The following GDF11 variants were observed in gnomAD, a reference collection of about 807,000 sequenced individuals.
The protein encoded by GDF11 is growth/differentiation factor 11.
In GDF11, 12 loss-of-function variants were observed where a neutral mutation model predicts 34.4. The observed-to-expected ratio is 0.35, with a 90% CI of 0.22 to 0.57. GDF11 has a LOEUF of 0.57. Among genes scored for constraint, GDF11 ranks in the 20% least tolerant of loss-of-function variants. The probability of loss-of-function intolerance (pLI) is 0.86; values close to 1 mark genes in which losing one functional copy is unlikely to be tolerated. For synonymous variants in GDF11, 212 were observed against 231.1 expected, an observed-to-expected ratio of 0.92 and a Z score of 0.75; for missense variants, 346 against 548.2, an observed-to-expected ratio of 0.63 and a Z score of 3.68.
At chr12:55,747,314 G>T (rs950759286) in intron 1 of GDF11, among the ~76,000 whole-genome samples, 1 of 149,634 alleles carries the variant, frequency 6.7e-6, no homozygotes, top group Admixed American at 6.7e-5. Context: ...GAGACTTTGG[G>T]TATCATATCC....
chr12:55,743,838 C>A (rs1474352183), intron 1 of GDF11, 77 bp downstream of exon 1: 1 of 1,198,766 alleles, frequency 8.3e-7, no homozygotes, highest in Non-Finnish European at 1.1e-6. Flanking sequence ...CCAAGCGGGG[C>A]GCTCCCTGCT....
Position 55,751,090 on chromosome 12 carries a change from G to C in GDF11, c.*1208G>C, listed in dbSNP as rs542206024. The C allele has an allele frequency of 6.6e-6, 1 of 152,478 alleles. No homozygotes were observed. The highest frequency in any genetic ancestry group is 2.4e-5 in the African/African-American group (1 of 41,586). The allele number at this position is 152,478 out of a possible 1,614,324, so 9.4% of individuals were successfully genotyped here. On this transcript the variant is annotated 3_prime_UTR_variant, in exon 3 of 3. Coordinates refer to ENST00000257868, the MANE Select transcript of GDF11 (RefSeq NM_005811.5). Reference sequence around the variant, plus strand: ...AATCACTGCTCTGGGCTAGGGAATAGAGCCAGCAGACCAAGGTGGGAAGGA... The same window carrying C: ...AATCACTGCTCTGGGCTAGGGAATACAGCCAGCAGACCAAGGTGGGAAGGA...
At position 55,749,460 on chromosome 12, in the gene GDF11, C is replaced by A; in HGVS notation, c.844-42C>A. 1.3e-6 allele frequency: 2 copies of A among 1,569,242 alleles called. No homozygotes were observed. The highest frequency in any genetic ancestry group is 1.7e-6 in the Non-Finnish European group (2 of 1,155,022). ...AAAGGAACAGGGAAGAGGAACTGTTCAGGACCATATCACATTTCTTTCCCC... is the reference window on the plus strand; with the variant it reads ...AAAGGAACAGGGAAGAGGAACTGTTAAGGACCATATCACATTTCTTTCCCC... On this transcript the variant is annotated intron_variant, in intron 2 of 2. Coordinates refer to ENST00000257868, the MANE Select transcript of GDF11 (RefSeq NM_005811.5). The surrounding 1 kb of genome is among the most constrained non-coding windows in gnomAD (Gnocchi z 5.6).
In GDF11 at chr12:55,743,713, G is replaced by T; in HGVS notation, c.397G>T (p.Asp133Tyr). Residue 133 changes from aspartate to tyrosine, a missense_variant, in exon 1 of 3, where the codon GAC becomes TAC. By Grantham distance (160) the Asp-to-Tyr change is radical (BLOSUM62 -3). Around this residue, in one of 3 missense-constraint regions of GDF11, gnomAD observed 141 missense variants for 213.8 expected, o/e 0.66. Transcript: ENST00000257868. Reference sequence around the variant, plus strand: ...GCAGCCCGAGGACTTCCTGGAGGAGGACGAGTACCACGCCACCACCGAGAC... The same window carrying T: ...GCAGCCCGAGGACTTCCTGGAGGAGTACGAGTACCACGCCACCACCGAGAC... ...ALQPEDFLEEDEYHATTETVI... is the reference protein window; with the variant it reads ...ALQPEDFLEEYEYHATTETVI... The T allele has an allele frequency of 6.3e-7, 1 of 1,589,826 alleles. No homozygotes were observed. The highest frequency in any genetic ancestry group is 1.1e-5 in the South Asian group (1 of 90,144).
rs1296869671 is a variant in GDF11 at position 55,756,675 on chromosome 12, TG to T, written c.*6794del. 1 of 152,244 alleles carries T rather than the reference TG, an allele frequency of 6.6e-6. No individual in the cohort carries two copies. The highest frequency in any genetic ancestry group is 2.4e-5 in the African/African-American group (1 of 41,472). The allele number at this position is 152,244 out of a possible 1,614,324, so 9.4% of individuals were successfully genotyped here. ...AGCAGGTTTCAGATCTACATGAACT[TG>T]AAGCCTCCAGTTCCACTGCTTATGT... On this transcript the variant is annotated 3_prime_UTR_variant, in exon 3 of 3. Coordinates refer to ENST00000257868, the MANE Select transcript of GDF11 (RefSeq NM_005811.5).
chr12:55,743,735 A>C lies in GDF11; in HGVS notation c.419A>C (p.Glu140Ala), dbSNP rs750059741. The C allele has an allele frequency of 6.3e-7, 1 of 1,590,844 alleles. No homozygotes were observed. Residue 140 changes from glutamate to alanine, a missense_variant, in exon 1 of 3, where the codon GAG (glutamate) becomes GCG (alanine). Around this residue, in one of 3 missense-constraint regions of GDF11, gnomAD observed 141 missense variants for 213.8 expected, o/e 0.66. Coordinates refer to ENST00000257868, the MANE Select transcript of GDF11 (RefSeq NM_005811.5). ...LEEDEYHATTETVISMAQETD... is the reference protein window; with the variant it reads ...LEEDEYHATTATVISMAQETD... Reference sequence around the variant, plus strand: ...GAGGACGAGTACCACGCCACCACCGAGACCGTCATTAGCATGGCCCAGGAG... The same window carrying C: ...GAGGACGAGTACCACGCCACCACCGCGACCGTCATTAGCATGGCCCAGGAG...
chr12:55,743,856 C>T, intron 1 of GDF11, 95 bp downstream of exon 1: 1 of 1,021,424 alleles, frequency 9.8e-7, no homozygotes, highest in South Asian at 1.8e-5. Context: ...GCTGCCCCGG[C>T]CCGGAAGCTT....
Position 55,748,644 on chromosome 12 carries a change from C to T in GDF11, c.504C>T (p.Pro168=). 1 of 1,614,206 alleles carries T rather than the reference C, an allele frequency of 6.2e-7. No homozygotes were observed. Residue 168 remains proline (P), a synonymous_variant, in exon 2 of 3, where the codon CCC becomes CCT. Transcript: ENST00000257868. The surrounding 1 kb of genome is among the most constrained non-coding windows in gnomAD (Gnocchi z 5.6). ...TCTGCTGCCATTTTCACTTCAGCCC[C>T]AAGGTGATGTTCACAAAGGTACTGA... ...SPLCCHFHFS[P]KVMFTKVLKA... is the part of the protein sequence containing the mutation.
At position 55,755,869 on chromosome 12, in the gene GDF11, T is replaced by G. The variant is rs1161765789; in HGVS notation, c.*5987T>G. ...AAGTAAGATGAGTGAGGAGAATAAT[T>G]AGGCTTCAAGAAGAGAATCCTGGCA... On this transcript the variant is annotated 3_prime_UTR_variant, in exon 3 of 3. Coordinates refer to ENST00000257868, the MANE Select transcript of GDF11 (RefSeq NM_005811.5). 1 of 152,020 alleles carries G rather than the reference T, an allele frequency of 6.6e-6. No individual in the cohort carries two copies. Among genetic ancestry groups the G allele is most frequent in the Non-Finnish European group, 1.5e-5 (1 of 68,008 alleles). The allele number at this position is 152,020 out of a possible 1,614,324, so 9.4% of individuals were successfully genotyped here. A position where few individuals can be genotyped will look rare whatever the true frequency, so the allele number is the denominator to read the frequency against.
chr12:55,745,660 T>TAAG (rs1188721557), intron 1 of GDF11, among the ~76,000 whole-genome samples: 1 of 151,934 alleles, frequency 6.6e-6, no homozygotes, highest in African/African-American at 2.4e-5. Context: ...CCCGCTTTAA[T>TAAG]AAGAGACTTG....
chr12:55,750,987 C>T lies in GDF11; in HGVS notation c.*1105C>T, dbSNP rs1878301155. The T allele has an allele frequency of 6.6e-6, 1 of 152,074 alleles. No individual in the cohort carries two copies. The highest frequency in any genetic ancestry group is 2.1e-4 in the South Asian group (1 of 4,820). The allele number at this position is 152,074 out of a possible 1,614,324, so 9.4% of individuals were successfully genotyped here. On this transcript the variant is annotated 3_prime_UTR_variant, in exon 3 of 3. Coordinates refer to ENST00000257868, the MANE Select transcript of GDF11 (RefSeq NM_005811.5). ...GAGAGAGTATAGAGACCCCAGAGTCCCCTGGGTCTGGAAAGCGTTAGGAGA... is the reference window on the plus strand; with the variant it reads ...GAGAGAGTATAGAGACCCCAGAGTCTCCTGGGTCTGGAAAGCGTTAGGAGA...
At position 55,743,738 on chromosome 12, in the gene GDF11, C is replaced by A; in HGVS notation, c.422C>A (p.Thr141Asn). Residue 141 changes from threonine to asparagine, a missense_variant, in exon 1 of 3, where the codon ACC (threonine) becomes AAC (asparagine). By Grantham distance (65) the Thr-to-Asn change is moderately conservative. Around this residue, in one of 3 missense-constraint regions of GDF11, gnomAD observed 141 missense variants for 213.8 expected, o/e 0.66. Coordinates refer to ENST00000257868, the MANE Select transcript of GDF11 (RefSeq NM_005811.5). ...GACGAGTACCACGCCACCACCGAGA[C>A]CGTCATTAGCATGGCCCAGGAGAGT... ...EEDEYHATTE[T>N]VISMAQETDP... 6.3e-7 allele frequency: 1 copy of A among 1,589,714 alleles called. No homozygotes were observed. The highest frequency in any genetic ancestry group is 8.5e-7 in the Non-Finnish European group (1 of 1,174,736).
rs1223806008 is a variant in GDF11 at position 55,756,358 on chromosome 12, T to C, written c.*6476T>C. The C allele has an allele frequency of 1.3e-5, 2 of 152,206 alleles. No homozygotes were observed. Among genetic ancestry groups the C allele is most frequent in the Non-Finnish European group, 2.9e-5 (2 of 68,036 alleles). The allele number at this position is 152,206 out of a possible 1,614,324, so 9.4% of individuals were successfully genotyped here. A position where few individuals can be genotyped will look rare whatever the true frequency, so the allele number is the denominator to read the frequency against. On this transcript the variant is annotated 3_prime_UTR_variant, in exon 3 of 3. Transcript: ENST00000257868. ...CAATTTTTCTAAATTATCTAAACTT[T>C]AGGTCCCTGCTTTCCTCACCAACCA...
At chr12:55,745,827 A>G (rs1277111514) in intron 1 of GDF11, among the ~76,000 whole-genome samples, 1 of 133,626 alleles carries the variant, frequency 7.5e-6, no homozygotes, top group Non-Finnish European at 1.6e-5. Context: ...AGGCTCTCCC[A>G]CCAAGCCTTC....
In GDF11 at chr12:55,753,069, G is replaced by A. The variant is rs1878375933; in HGVS notation, c.*3187G>A. The A allele has an allele frequency of 6.6e-6, 1 of 152,206 alleles. No homozygotes were observed. The highest frequency in any genetic ancestry group is 1.5e-5 in the Non-Finnish European group (1 of 68,076). 9.4% of individuals were successfully genotyped at this position (152,206 alleles called of 1,614,324 possible). On this transcript the variant is annotated 3_prime_UTR_variant, in exon 3 of 3. Coordinates refer to ENST00000257868, the MANE Select transcript of GDF11 (RefSeq NM_005811.5). ...GCAGGCCAAGGAAGGATGGAAAGAG[G>A]ACAGGAAACTGGGGGTACCTAGAAC... is the stretch of plus-strand genomic sequence containing the variant.
At position 55,749,718 on chromosome 12, in the gene GDF11, C is replaced by T; in HGVS notation, c.1060C>T (p.Pro354Ser). 2 of 1,614,170 alleles carry T rather than the reference C, an allele frequency of 1.2e-6. No homozygotes were observed. Among genetic ancestry groups the T allele is most frequent in the Non-Finnish European group, 1.7e-6 (2 of 1,180,036 alleles). ...CGAGTACATGTTCATGCAAAAATAT[C>T]CGCATACCCATTTGGTGCAGCAGGC... is the stretch of plus-strand genomic sequence containing the variant. ...QCEYMFMQKYPHTHLVQQANP... is the reference protein window; with the variant it reads ...QCEYMFMQKYSHTHLVQQANP... The change falls in exon 3 of 3, where the codon CCG becomes TCG. Residue 354 changes from proline (P) to serine (S), a missense_variant. Physicochemically the swap from Pro to Ser is moderately conservative, Grantham distance 74. This residue lies in a region of GDF11 where 205 missense variants were observed against 311.3 expected (regional missense o/e 0.66). Coordinates refer to ENST00000257868, the MANE Select transcript of GDF11 (RefSeq NM_005811.5). This position sits in a 1 kb window ranked among gnomAD's most constrained non-coding sequence, Gnocchi z 5.6.
Position 55,749,055 on chromosome 12 carries a change from T to C in GDF11, c.843+72T>C. On this transcript the variant is annotated intron_variant, in intron 2 of 2. Transcript: ENST00000257868. This position sits in a 1 kb window ranked among gnomAD's most constrained non-coding sequence, Gnocchi z 5.6. ...GGAGATAGGGTTACATTGGAAAAGGTAGACAAGGAATGTGAAGGAGGTTGG... is the reference window on the plus strand; with the variant it reads ...GGAGATAGGGTTACATTGGAAAAGGCAGACAAGGAATGTGAAGGAGGTTGG... 7.0e-7 allele frequency: 1 copy of C among 1,420,996 alleles called. No homozygotes were observed. Among genetic ancestry groups the C allele is most frequent in the South Asian group, 1.4e-5 (1 of 71,498 alleles). 88.0% of individuals were successfully genotyped at this position (1,420,996 alleles called of 1,614,324 possible). A position where few individuals can be genotyped will look rare whatever the true frequency, so the allele number is the denominator to read the frequency against.
At chr12:55,747,031 A>G (rs1376208103) in intron 1 of GDF11, among the ~76,000 whole-genome samples, 1 of 152,236 alleles carries the variant, frequency 6.6e-6, no homozygotes, top group Non-Finnish European at 1.5e-5. Context: ...CACAGTATGA[A>G]TAACAACAGT....
At chr12:55,747,653 A>G (rs191417609) in intron 1 of GDF11, among the ~76,000 whole-genome samples, 10 of 152,346 alleles carry the variant, frequency 6.6e-5, no homozygotes, top group Non-Finnish European at 2.9e-5. Flanking sequence ...ATTGAGAATC[A>G]TCTATTAGAC....
Sources: gnomAD v4.1 joint callset for allele counts (sites outside exome capture counted in the v4.1 genomes callset) on GRCh38, gnomAD v4.1.1 for gene constraint, gnomAD v4.1.1 regional missense constraint, Gnocchi (gnomAD v3.1) non-coding constraint, MANE v1.5 for transcripts, NCBI Gene and HGNC (gene_info 2026-07-23, HGNC 2026-07-21) for gene names.